Variants in LPP observed in about 807,000 individuals in gnomAD.
The protein encoded by LPP is LIM domain containing preferred translocation partner in lipoma.
Under a neutral mutation model 60.4 loss-of-function variants are expected in LPP, and 38 were observed. The observed-to-expected ratio is 0.63, with a 90% CI of 0.49 to 0.83. The LOEUF (loss-of-function observed/expected upper bound fraction) is 0.83. Ranked by LOEUF, LPP falls within the 40% of genes least tolerant of loss-of-function variation. The probability of loss-of-function intolerance (pLI) is 0.00; values close to 1 mark genes in which losing one functional copy is unlikely to be tolerated. For missense variants in LPP, 902 were observed against 783.6 expected, an observed-to-expected ratio of 1.15 and a Z score of -1.80; for synonymous variants, 328 against 290.8, an observed-to-expected ratio of 1.13 and a Z score of -1.30.
At chr3:188,451,968 G>T (rs1796689432) in intron 4 of LPP, among the ~76,000 whole-genome samples, 2 of 152,100 alleles carry the variant, frequency 1.3e-5, no homozygotes, top group African/African-American at 4.8e-5. Flanking sequence ...TTGAGATGAG[G>T]CCGAAAAAAT....
At chr3:188,230,508 G>T (rs1719512189) in intron 2 of LPP, among the ~76,000 whole-genome samples, 1 of 152,136 alleles carries the variant, frequency 6.6e-6, no homozygotes, top group Non-Finnish European at 1.5e-5. Context: ...AATAGGCCAG[G>T]CGTAGTGGCT....
chr3:188,614,494 T>C (rs1844486817), intron 7 of LPP, among the ~76,000 whole-genome samples: 2 of 152,202 alleles, frequency 1.3e-5, no homozygotes, highest in African/African-American at 4.8e-5. Flanking sequence ...ATATTAGTAA[T>C]TCCTCTTTGT....
intron 9 of LPP, among the ~76,000 whole-genome samples, chr3:188,810,817 T>C (rs931344613): frequency 2.0e-5 from 3 of 152,238 alleles, no homozygotes; most frequent in Non-Finnish European, 4.4e-5. Flanking sequence ...GTGGGAGTGG[T>C]GCTCCTTTCA....
intron 8 of LPP, chr3:188,709,737 T>G (rs772423175): frequency 6.6e-6 from 1 of 152,202 alleles, no homozygotes; most frequent in Non-Finnish European, 1.5e-5. Flanking sequence ...CTGAGCCCTT[T>G]AAACCAGTGC....
At chr3:188,733,646 G>A (rs1167911643) in intron 8 of LPP, among the ~76,000 whole-genome samples, 1 of 152,124 alleles carries the variant, frequency 6.6e-6, no homozygotes, top group African/African-American at 2.4e-5. Context: ...GTTATTGCTA[G>A]TTTAAAGGAA....
intron 9 of LPP, among the ~76,000 whole-genome samples, chr3:188,793,500 T>C (rs1450679039): frequency 6.6e-6 from 1 of 152,078 alleles, no homozygotes; most frequent in Non-Finnish European, 1.5e-5. Context: ...ATTATACTGA[T>C]AGCAAAATTG....
At chr3:188,241,300 ACT>A (rs2149467600) in intron 2 of LPP, among the ~76,000 whole-genome samples, 1 of 152,312 alleles carries the variant, frequency 6.6e-6, no homozygotes, top group African/African-American at 2.4e-5. Context: ...ATCCTGCATG[ACT>A]GGGTATAAAC....
chr3:188,797,670 A>T (rs1436425305), intron 9 of LPP, among the ~76,000 whole-genome samples: 1 of 152,172 alleles, frequency 6.6e-6, no homozygotes, highest in Non-Finnish European at 1.5e-5. Flanking sequence ...TACATGGCCA[A>T]TTCCAACGTA....
At chr3:188,703,065 C>A (rs1247726689) in intron 7 of LPP, among the ~76,000 whole-genome samples, 1 of 152,192 alleles carries the variant, frequency 6.6e-6, no homozygotes, top group African/African-American at 2.4e-5. Flanking sequence ...TCATACAGGG[C>A]TGTTGTGTAG....
Position 188,877,261 on chromosome 3 carries a change from A to G in LPP, c.*2782A>G, listed in dbSNP as rs1056729504. 1.1e-5 allele frequency: 2 copies of G among 177,152 alleles called. No homozygotes were observed. The highest frequency in any genetic ancestry group is 4.7e-5 in the African/African-American group (2 of 42,282). The allele number at this position is 177,152 out of a possible 1,614,324, so 11.0% of individuals were successfully genotyped here. On this transcript the variant is annotated 3_prime_UTR_variant, in exon 12 of 12. Transcript: ENST00000617246. ...AAGATTGTATTACTTTAATGATTAT[A>G]ATCATACTGTCTGCTGATATAATAT...
At chr3:188,242,366 A>T (rs1725268004) in intron 2 of LPP, among the ~76,000 whole-genome samples, 1 of 151,946 alleles carries the variant, frequency 6.6e-6, no homozygotes, top group Non-Finnish European at 1.5e-5. Flanking sequence ...ATTGTATTAT[A>T]AAAAGAAAGA....
chr3:188,333,906 T>C (rs1411071119), intron 2 of LPP, among the ~76,000 whole-genome samples: 2 of 152,196 alleles, frequency 1.3e-5, no homozygotes, highest in Non-Finnish European at 2.9e-5. Context: ...TTCTAGCTAC[T>C]TGAAAATATA....
At chr3:188,757,871 T>C (rs1266531842) in intron 8 of LPP, among the ~76,000 whole-genome samples, 1 of 140,554 alleles carries the variant, frequency 7.1e-6, no homozygotes, top group Admixed American at 7.1e-5. Flanking sequence ...ACATTTTTTT[T>C]GTGGTTTTGT....
At chr3:188,826,049 A>G (rs2151513036) in intron 9 of LPP, among the ~76,000 whole-genome samples, 1 of 151,936 alleles carries the variant, frequency 6.6e-6, no homozygotes, top group Admixed American at 6.5e-5. Flanking sequence ...ATGGGTCTTT[A>G]TGTGTGCTAC....
intron 3 of LPP, among the ~76,000 whole-genome samples, chr3:188,345,808 T>A (rs1764192620): frequency 6.6e-6 from 1 of 152,140 alleles, no homozygotes; most frequent in Admixed American, 6.5e-5. Context: ...TAGAAGGTGC[T>A]TAGAGACCAC....
At chr3:188,240,615 T>A (rs188901656) in intron 2 of LPP, among the ~76,000 whole-genome samples, 2 of 152,240 alleles carry the variant, frequency 1.3e-5, no homozygotes, top group East Asian at 1.9e-4. Context: ...ACCAGCAACA[T>A]ATTTGGGTAG....
At chr3:188,692,225 C>T (rs1335076794) in intron 7 of LPP, among the ~76,000 whole-genome samples, 1 of 152,210 alleles carries the variant, frequency 6.6e-6, no homozygotes, top group Non-Finnish European at 1.5e-5. Context: ...CTGCAGACAG[C>T]TGCTGTCATG....
At chr3:188,716,539 G>A (rs1714083225) in intron 8 of LPP, among the ~76,000 whole-genome samples, 1 of 152,142 alleles carries the variant, frequency 6.6e-6, no homozygotes, top group Admixed American at 6.5e-5. Context: ...ATGATTTGAG[G>A]TGCAGTTGAA....
In LPP at chr3:188,637,916, G is replaced by A. The variant is rs1031713731; in HGVS notation, c.1113+28072G>A. On this transcript the variant is annotated intron_variant, in intron 7 of 11. Coordinates refer to ENST00000617246, the MANE Select transcript of LPP (RefSeq NM_001375462.1). ...GAGTCCAGGACCAGATGGATTCACA[G>A]CCGAATTCTACCAAAGGTACAAGGA... is the stretch of plus-strand genomic sequence containing the variant. Among the ~76,000 whole-genome samples the A allele has an allele frequency of 4.7e-5, 7 of 150,202 alleles. No individual in the cohort carries two copies. In the East Asian group the frequency reaches 1.2e-3, roughly 25 times the overall value.
Sources: gnomAD v4.1 joint callset for allele counts (sites outside exome capture counted in the v4.1 genomes callset) on GRCh38, gnomAD v4.1.1 for gene constraint, MANE v1.5 for transcripts, NCBI Gene and HGNC (gene_info 2026-07-23, HGNC 2026-07-21) for gene names.